Variants in ARHGEF15 observed in about 807,000 individuals in gnomAD.
ARHGEF15 encodes Rho guanine nucleotide exchange factor (GEF) 15.
A neutral mutation model predicts 79.7 loss-of-function variants in ARHGEF15; 58 were observed. That is an observed-to-expected ratio of 0.73 (90% CI 0.59 to 0.91). ARHGEF15 has a LOEUF of 0.91. Among genes scored for constraint, ARHGEF15 ranks in the 40% least tolerant of loss-of-function variants. The probability of loss-of-function intolerance (pLI) is 0.00; values close to 1 mark genes in which losing one functional copy is unlikely to be tolerated. For synonymous variants in ARHGEF15, 442 were observed against 456.0 expected, an observed-to-expected ratio of 0.97 and a Z score of 0.39; for missense variants, 1,012 against 1,108.1, an observed-to-expected ratio of 0.91 and a Z score of 1.23.
chr17:8,313,420 T>G (rs1167828317), intron 3 of ARHGEF15, 81 bp from the exon 4 acceptor site: 6 of 1,545,042 alleles, frequency 3.9e-6, no homozygotes, highest in Non-Finnish European at 5.3e-6. Context: ...ATAGTAACCA[T>G]CCCTGCTGGG....
In ARHGEF15 at chr17:8,313,155, A is replaced by C. The variant is rs751544908; in HGVS notation, c.835A>C (p.Lys279Gln). 8 of 1,609,192 alleles carry C rather than the reference A, an allele frequency of 5.0e-6. No homozygotes were observed. In the Admixed American group the frequency reaches 1.2e-4, roughly 24 times the overall value. Reference protein sequence around the residue: ...TAERKLLPLLKPPKPTRVRQD... With the variant: ...TAERKLLPLLQPPKPTRVRQD... The stretch of plus-strand genomic sequence containing the variant: ...TGAGCGCAAACTCCTGCCACTCCTC[A>C]AGCCTCCCAAACCAACTCGTGTCAG... Residue 279 changes from lysine to glutamine, a missense_variant, in exon 3 of 16, where the codon AAG becomes CAG. Coordinates refer to ENST00000361926, the MANE Select transcript of ARHGEF15 (RefSeq NM_173728.4).
At chr17:8,317,722 C>CT (rs1322977833) in intron 9 of ARHGEF15, among the ~76,000 whole-genome samples, 5 of 152,166 alleles carry the variant, frequency 3.3e-5, no homozygotes, top group African/African-American at 1.2e-4. Flanking sequence ...CTCTTAGCTA[C>CT]TCTGCTATAT....
rs1179926553 is a variant in ARHGEF15 at position 8,316,046 on chromosome 17, G to A, written c.1602G>A (p.Glu534=). The A allele has an allele frequency of 6.2e-7, 1 of 1,603,190 alleles. No individual in the cohort carries two copies. Among genetic ancestry groups the A allele is most frequent in the African/African-American group, 1.3e-5 (1 of 75,028 alleles). Residue 534 remains glutamate, a synonymous_variant, in exon 9 of 16, where the codon GAG becomes GAA. Coordinates refer to ENST00000361926, the MANE Select transcript of ARHGEF15 (RefSeq NM_173728.4). ...LMDTNVRFSA[E]LRRLQSLPKC... ...ACACCAACGTGCGCTTCTCCGCCGA[G>A]CTGCGCCGGCTGCAGAGCCTCCCTA... is the stretch of plus-strand genomic sequence containing the variant.
chr17:8,320,811 C>G (rs1597468202), intron 15 of ARHGEF15, 31 bp from the exon 16 acceptor site: 1 of 1,609,670 alleles, frequency 6.2e-7, no homozygotes, highest in Non-Finnish European at 8.5e-7. Flanking sequence ...CTGCCCCCAC[C>G]TCATTGGAGC....
Position 8,321,055 on chromosome 17 carries a change from A to G in ARHGEF15, c.*62A>G. 6.3e-7 allele frequency: 1 copy of G among 1,596,590 alleles called. No individual in the cohort carries two copies. On this transcript the variant is annotated 3_prime_UTR_variant, in exon 16 of 16. Transcript: ENST00000361926. ...TACCAGTGTGGCACGGAGAGAACAAAGCCCATTCATCCATTGGATTCACTG... is the reference window on the plus strand; with the variant it reads ...TACCAGTGTGGCACGGAGAGAACAAGGCCCATTCATCCATTGGATTCACTG...
In ARHGEF15 at chr17:8,312,933, GCCTGCCCTC is replaced by G. The variant is rs766411463; in HGVS notation, c.619_627del (p.Pro207_Cys209del). 1 of 1,577,284 alleles carries G rather than the reference GCCTGCCCTC, an allele frequency of 6.3e-7. No individual in the cohort carries two copies. Among genetic ancestry groups the G allele is most frequent in the Non-Finnish European group, 8.6e-7 (1 of 1,162,282 alleles). ...CCTGTCTCCCACAGATGCTGGCCTG[GCCTGCCCTC>G]CCTGCTGCCCCTGTGTCTGCCACAC... On this transcript the variant is annotated inframe_deletion, in exon 3 of 16. Transcript: ENST00000361926.
rs919533735 is a variant in ARHGEF15 at position 8,322,103 on chromosome 17, A to G, written c.*1110A>G. On this transcript the variant is annotated 3_prime_UTR_variant, in exon 16 of 16. Transcript: ENST00000361926. ...GGGAGCTGTGGACCACAGGCCAGCCAGTGAACCTCCTGGGCTTTCTTGCCT... is the reference window on the plus strand; with the variant it reads ...GGGAGCTGTGGACCACAGGCCAGCCGGTGAACCTCCTGGGCTTTCTTGCCT... The G allele has an allele frequency of 6.5e-6, 1 of 152,886 alleles. No homozygotes were observed. Among genetic ancestry groups the G allele is most frequent in the Non-Finnish European group, 1.5e-5 (1 of 68,216 alleles). 9.5% of individuals were successfully genotyped at this position (152,886 alleles called of 1,614,324 possible).
rs1006844373 is a variant in ARHGEF15, at chr17:8,314,326, A to G, written c.990-580A>G. Among the ~76,000 whole-genome samples, 5 of 152,292 alleles carry G rather than the reference A, an allele frequency of 3.3e-5. No homozygotes were observed. The East Asian group carries it at 7.7e-4, about 23-fold the overall frequency. The stretch of plus-strand genomic sequence containing the variant: ...TTATCTGTGTCCATTCATTTATTCA[A>G]CAAACATTTACTAGTGTGGTTTTTA... On this transcript the variant is annotated intron_variant, in intron 4 of 15. Coordinates refer to ENST00000361926, the MANE Select transcript of ARHGEF15 (RefSeq NM_173728.4).
At position 8,318,953 on chromosome 17, in the gene ARHGEF15, G is replaced by C. The variant is rs1333544435; in HGVS notation, c.2033+43G>C. The C allele has an allele frequency of 6.2e-7, 1 of 1,609,386 alleles. No individual in the cohort carries two copies. Among genetic ancestry groups the C allele is most frequent in the South Asian group, 1.1e-5 (1 of 90,920 alleles). ...AAGGAGCCCAGGCTGGAGTGGGCAG[G>C]AGGGGTCCAGCGGGACCCCTGCTGT... On this transcript the variant is annotated intron_variant, in intron 12 of 15. Coordinates refer to ENST00000361926, the MANE Select transcript of ARHGEF15 (RefSeq NM_173728.4). This position sits in a 1 kb window ranked among gnomAD's most constrained non-coding sequence, Gnocchi z 5.0.
At position 8,312,079 on chromosome 17, in the gene ARHGEF15, C is replaced by A; in HGVS notation, c.40C>A (p.Gln14Lys). The change falls in exon 2 of 16, where the codon CAG (glutamine) becomes AAG (lysine). Residue 14 changes from glutamine (Q) to lysine (K), a missense_variant. Physicochemically the swap from Gln to Lys is moderately conservative, Grantham distance 53. Coordinates refer to ENST00000361926, the MANE Select transcript of ARHGEF15 (RefSeq NM_173728.4). ...CCTTCCTGCAGCAACACCCCCCACG[C>A]AGAAGCCCCCTCGGATCATCCGCCC... The part of the protein sequence containing the change: ...QSLPAATPPT[Q>K]KPPRIIRPRP... The A allele has an allele frequency of 7.2e-7, 1 of 1,385,436 alleles. No individual in the cohort carries two copies. The highest frequency in any genetic ancestry group is 9.6e-7 in the Non-Finnish European group (1 of 1,046,440). 85.8% of individuals were successfully genotyped at this position (1,385,436 alleles called of 1,614,324 possible).
chr17:8,316,021 A>G lies in ARHGEF15; in HGVS notation c.1577A>G (p.Asp526Gly), dbSNP rs1905003542. 1 of 1,600,814 alleles carries G rather than the reference A, an allele frequency of 6.2e-7. No homozygotes were observed. The highest frequency in any genetic ancestry group is 8.5e-7 in the Non-Finnish European group (1 of 1,178,048). The change falls in exon 9 of 16, where the codon GAC (aspartate) becomes GGC (glycine). Residue 526 changes from aspartate to glycine, a missense_variant and splice_region_variant. Physicochemically the swap from Asp to Gly is moderately conservative, Grantham distance 94 (BLOSUM62 -1). This residue lies in a region of ARHGEF15 where 818 missense variants were observed against 882.5 expected (regional missense o/e 0.93). Coordinates refer to ENST00000361926, the MANE Select transcript of ARHGEF15 (RefSeq NM_173728.4). ...YQEETYSRLM[D>G]TNVRFSAELR... ...GCTAGCCATGCCTGCTTCTGCAGGG[A>G]CACCAACGTGCGCTTCTCCGCCGAG...
chr17:8,313,314 G>T (rs1597461764), intron 3 of ARHGEF15, 60 bp downstream of exon 3: 14 of 1,554,080 alleles, frequency 9.0e-6, no homozygotes, highest in Non-Finnish European at 1.2e-5. Flanking sequence ...AGGCAGGGGG[G>T]AACTAAAGCC....
Position 8,321,024 on chromosome 17 carries a change from G to A in ARHGEF15, c.*31G>A. The A allele has an allele frequency of 1.2e-6, 2 of 1,613,434 alleles. No homozygotes were observed. The highest frequency in any genetic ancestry group is 1.7e-5 in the Admixed American group (1 of 60,006). On this transcript the variant is annotated 3_prime_UTR_variant, in exon 16 of 16. Transcript: ENST00000361926. Reference sequence around the variant, plus strand: ...GCTGAGGAGGGGGCACATGTTGGGAGACACCTACCAGTGTGGCACGGAGAG... The same window carrying A: ...GCTGAGGAGGGGGCACATGTTGGGAAACACCTACCAGTGTGGCACGGAGAG...
Position 8,315,211 on chromosome 17 carries a change from G to C in ARHGEF15, c.1194G>C (p.Glu398Asp). The C allele has an allele frequency of 2.5e-6, 4 of 1,613,802 alleles. No homozygotes were observed. The highest frequency in any genetic ancestry group is 1.6e-4 in the Middle Eastern group (1 of 6,062). The change falls in exon 6 of 16, where the codon GAG becomes GAC. Residue 398 changes from glutamate (E) to aspartate (D), a missense_variant. Physicochemically the swap from Glu to Asp is conservative, Grantham distance 45. Transcript: ENST00000361926. The surrounding 1 kb of genome is among the most constrained non-coding windows in gnomAD (Gnocchi z 4.3). ...PPGPRNTLWQ[E>D]LPAVQASGLL... Reference sequence around the variant, plus strand: ...GACCTCGCAACACCCTGTGGCAGGAGCTTCCGGCTGTGCAAGCCAGCGGTC... The same window carrying C: ...GACCTCGCAACACCCTGTGGCAGGACCTTCCGGCTGTGCAAGCCAGCGGTC...
Position 8,312,200 on chromosome 17 carries a change from C to T in ARHGEF15, c.161C>T (p.Pro54Leu), listed in dbSNP as rs757713568. ...QELPRNSNDA[P>L]TPMCTPIFWE... Reference sequence around the variant, plus strand: ...CTACCCCGAAACTCCAATGATGCACCAACCCCAATGTGCACCCCCATCTTC... The same window carrying T: ...CTACCCCGAAACTCCAATGATGCACTAACCCCAATGTGCACCCCCATCTTC... The change falls in exon 2 of 16, where the codon CCA becomes CTA. Residue 54 changes from proline to leucine, a missense_variant. Around this residue, in one of 3 missense-constraint regions of ARHGEF15, gnomAD observed 818 missense variants for 882.5 expected, o/e 0.93. Transcript: ENST00000361926. The T allele has an allele frequency of 1.9e-6, 3 of 1,605,270 alleles. No homozygotes were observed. The highest frequency in any genetic ancestry group is 2.6e-6 in the Non-Finnish European group (3 of 1,175,240).
chr17:8,315,892 C>G lies in ARHGEF15; in HGVS notation c.1559C>G (p.Thr520Ser), dbSNP rs199645465. The change falls in exon 8 of 16, where the codon ACC (threonine) becomes AGC (serine). Residue 520 changes from threonine (T) to serine (S), a missense_variant. Thr to Ser is a moderately conservative substitution (Grantham distance 58, BLOSUM62 1). This residue lies in a region of ARHGEF15 where 818 missense variants were observed against 882.5 expected (regional missense o/e 0.93). Coordinates refer to ENST00000361926, the MANE Select transcript of ARHGEF15 (RefSeq NM_173728.4). This position sits in a 1 kb window ranked among gnomAD's most constrained non-coding sequence, Gnocchi z 4.3. ...YVRNQQYQEE[T>S]YSRLMDTNVR... ...CGGAACCAGCAGTATCAGGAGGAGA[C>G]CTACAGCCGCCTCATGTGAGTGTCC... is the stretch of plus-strand genomic sequence containing the variant. 2.1e-5 allele frequency: 33 copies of G among 1,609,656 alleles called. No individual in the cohort carries two copies. The highest frequency in any genetic ancestry group is 1.1e-4 in the South Asian group (10 of 91,074).
In ARHGEF15 at chr17:8,318,426, G is replaced by T; in HGVS notation, c.1744G>T (p.Glu582Ter). 6.2e-7 allele frequency: 1 copy of T among 1,614,104 alleles called. No individual in the cohort carries two copies. The highest frequency in any genetic ancestry group is 8.5e-7 in the Non-Finnish European group (1 of 1,180,016). Residue 582 changes from glutamate to a stop codon, truncating the protein, a stop_gained, in exon 10 of 16, where the codon GAG becomes TAG. Transcript: ENST00000361926. LOFTEE classifies it high-confidence loss of function. This position sits in a 1 kb window ranked among gnomAD's most constrained non-coding sequence, Gnocchi z 5.0. ...RQTEEGSSRQ[E>*]NAQKALGAVS... is the part of the protein sequence containing the mutation. ...GACAGAAGAGGGGTCCAGCCGTCAG[G>T]AGAATGCCCAGAAGGCCCTGGGTGC... is the stretch of plus-strand genomic sequence containing the variant.
At chr17:8,311,113 G>A (rs566799788) in intron 1 of ARHGEF15, among the ~76,000 whole-genome samples, 17 of 152,104 alleles carry the variant, frequency 1.1e-4, no homozygotes, top group Admixed American at 2.6e-4. Flanking sequence ...GAGCCAGTCC[G>A]AGGCCTGGAG....
rs926615901 is a variant in ARHGEF15, at chr17:8,322,165, A to G, written c.*1172A>G. 6.5e-6 allele frequency: 1 copy of G among 152,740 alleles called. No homozygotes were observed. Among genetic ancestry groups the G allele is most frequent in the Admixed American group, 6.5e-5 (1 of 15,290 alleles). The allele number at this position is 152,740 out of a possible 1,614,324, so 9.5% of individuals were successfully genotyped here. A position where few individuals can be genotyped will look rare whatever the true frequency, so the allele number is the denominator to read the frequency against. On this transcript the variant is annotated 3_prime_UTR_variant, in exon 16 of 16. Transcript: ENST00000361926. Reference sequence around the variant, plus strand: ...CTCTCACAGAAACACTGGGCCAAACAGTGGGGAGAGATTGGAGAGCGGGTG... The same window carrying G: ...CTCTCACAGAAACACTGGGCCAAACGGTGGGGAGAGATTGGAGAGCGGGTG...
Sources: allele counts gnomAD v4.1 joint callset (sites outside exome capture counted in the v4.1 genomes callset), GRCh38; gene constraint gnomAD v4.1.1; regional missense constraint gnomAD v4.1.1; non-coding constraint Gnocchi (gnomAD v3.1); transcripts MANE v1.5; gene names NCBI Gene and HGNC (gene_info 2026-07-23, HGNC 2026-07-21).